The following GMEB1 variants were observed in gnomAD, a reference collection of about 807,000 sequenced individuals.
The protein encoded by GMEB1 is glucocorticoid modulatory element binding protein 1, also known as glucocorticoid modulatory element-binding protein 1.
A neutral mutation model predicts 52.4 loss-of-function variants in GMEB1; 6 were observed. That is an observed-to-expected ratio of 0.11 (90% CI 0.06 to 0.23). The LOEUF (loss-of-function observed/expected upper bound fraction) is 0.23, where lower values mean the gene tolerates loss of function less well. Ranked by LOEUF, GMEB1 falls within the 10% of genes least tolerant of loss-of-function variation. The probability of loss-of-function intolerance (pLI) is 1.00; values close to 1 mark genes in which losing one functional copy is unlikely to be tolerated. For synonymous variants in GMEB1, 255 were observed against 244.9 expected, an observed-to-expected ratio of 1.04 and a Z score of -0.38; for missense variants, 486 against 685.6, an observed-to-expected ratio of 0.71 and a Z score of 3.25.
chr1:28,682,743 T>C (rs1669450355), intron 1 of GMEB1, among the ~76,000 whole-genome samples: 4 of 151,798 alleles, frequency 2.6e-5, no homozygotes. Context: ...CCTCCACAGA[T>C]ACTGAGTATT....
chr1:28,699,434 C>T (rs868057267), intron 6 of GMEB1, among the ~76,000 whole-genome samples: 3 of 151,756 alleles, frequency 2.0e-5, no homozygotes, highest in Middle Eastern at 6.8e-3. Flanking sequence ...GTAAATTGAC[C>T]TCTTTTTTTT....
intron 1 of GMEB1, among the ~76,000 whole-genome samples, chr1:28,681,768 T>C (rs920044079): frequency 6.6e-6 from 1 of 151,674 alleles, no homozygotes; most frequent in Non-Finnish European, 1.5e-5. Context: ...AATGGCATGA[T>C]CTCGGCTCAC....
At chr1:28,692,396 G>A (rs1324317699) in intron 4 of GMEB1, among the ~76,000 whole-genome samples, 1 of 152,018 alleles carries the variant, frequency 6.6e-6, no homozygotes, top group Non-Finnish European at 1.5e-5. Flanking sequence ...GCTGGACGTG[G>A]TATTGGGCGC....
chr1:28,708,348 T>G (rs1670877777), intron 8 of GMEB1, among the ~76,000 whole-genome samples: 1 of 151,748 alleles, frequency 6.6e-6, no homozygotes, highest in South Asian at 2.1e-4. Flanking sequence ...ATATTTTTAG[T>G]AGAGGCGGGG....
Position 28,714,886 on chromosome 1 carries a change from A to C in GMEB1, c.*113A>C, listed in dbSNP as rs550286736. On this transcript the variant is annotated 3_prime_UTR_variant, in exon 10 of 10. Coordinates refer to ENST00000373816, the MANE Select transcript of GMEB1 (RefSeq NM_001319674.2). ...AGGACCCTTTTTTAAAAAAAAAAAA[A>C]CAAAATCTTATTGTTGTAACTGAAA... The C allele has an allele frequency of 2.0e-5, 15 of 763,256 alleles. No homozygotes were observed. Among genetic ancestry groups the C allele is most frequent in the Middle Eastern group, 3.8e-4 (1 of 2,616 alleles). 47.3% of individuals were successfully genotyped at this position (763,256 alleles called of 1,614,324 possible). A position where few individuals can be genotyped will look rare whatever the true frequency, so the allele number is the denominator to read the frequency against.
intron 6 of GMEB1, among the ~76,000 whole-genome samples, chr1:28,699,941 G>A (rs920577560): frequency 6.6e-6 from 1 of 151,216 alleles, no homozygotes; most frequent in Non-Finnish European, 1.5e-5. Flanking sequence ...TGAGCATGGC[G>A]GTGTGGGCCT....
At chr1:28,691,039 C>T (rs1431357976) in intron 3 of GMEB1, among the ~76,000 whole-genome samples, 1 of 151,722 alleles carries the variant, frequency 6.6e-6, no homozygotes, top group African/African-American at 2.4e-5. Context: ...GCCTGTAATC[C>T]CAGCACTTTG....
chr1:28,687,332 T>TCA (rs1491165519), intron 2 of GMEB1, among the ~76,000 whole-genome samples: 1 of 95,772 alleles, frequency 1.0e-5, no homozygotes, highest in Non-Finnish European at 1.9e-5. Flanking sequence ...TGAGACCCTA[T>TCA]CTCACACACA....
chr1:28,696,828 C>A, intron 5 of GMEB1, 99 bp from the exon 6 acceptor site: 1 of 895,548 alleles, frequency 1.1e-6, no homozygotes, highest in Non-Finnish European at 1.7e-6. Flanking sequence ...CTAATCTACA[C>A]AGTAGGCTCA....
rs1669496635 is a variant in GMEB1, at chr1:28,683,601, T to C, written c.-12T>C. 3.1e-6 allele frequency: 5 copies of C among 1,594,106 alleles called. No homozygotes were observed. The highest frequency in any genetic ancestry group is 1.1e-5 in the South Asian group (1 of 87,726). ...CCGACAGCAGTCCCAGCTATCTGAC[T>C]TCATGTGAAAGATGGCTAATGCAGA... is the stretch of plus-strand genomic sequence containing the variant. On this transcript the variant is annotated 5_prime_UTR_variant, in exon 2 of 10. Coordinates refer to ENST00000373816, the MANE Select transcript of GMEB1 (RefSeq NM_001319674.2).
Position 28,714,275 on chromosome 1 carries a change from C to T in GMEB1, c.1194C>T (p.Ile398=), listed in dbSNP as rs770147009. 4 of 1,614,216 alleles carry T rather than the reference C, an allele frequency of 2.5e-6. No homozygotes were observed. The South Asian group carries it at 3.3e-5, about 13-fold the overall frequency. ...QQPQFTVISP[I]TITPVGQSFS... is the part of the protein sequence containing the mutation. ...CTCAGTTCACAGTCATCTCACCCAT[C>T]ACCATCACCCCAGTGGGTCAGTCAT... The change falls in exon 10 of 10, where the codon ATC becomes ATT. Residue 398 remains isoleucine, a synonymous_variant. Coordinates refer to ENST00000373816, the MANE Select transcript of GMEB1 (RefSeq NM_001319674.2).
chr1:28,710,635 T>C lies in GMEB1; in HGVS notation c.984T>C (p.Thr328=). The change falls in exon 9 of 10, where the codon ACT becomes ACC. Residue 328 remains threonine, a synonymous_variant. Coordinates refer to ENST00000373816, the MANE Select transcript of GMEB1 (RefSeq NM_001319674.2). ...AGGGAGAAGAACAGTTTCTCTATAC[T>C]CTGACAGGTATGTATAAGTTATCGC... ...VEQGEEQFLY[T]LTDLERQLEE... is the part of the protein sequence containing the mutation. 1 of 1,591,670 alleles carries C rather than the reference T, an allele frequency of 6.3e-7. No homozygotes were observed. The highest frequency in any genetic ancestry group is 8.6e-7 in the Non-Finnish European group (1 of 1,169,220).
chr1:28,694,215 G>A (rs1247844097), intron 5 of GMEB1, among the ~76,000 whole-genome samples: 6 of 145,364 alleles, frequency 4.1e-5, no homozygotes, highest in African/African-American at 7.6e-5. Context: ...TTTTTGAGAC[G>A]GAGTCTTGCT....
At chr1:28,709,638 G>A (rs937861564) in intron 8 of GMEB1, among the ~76,000 whole-genome samples, 1 of 152,026 alleles carries the variant, frequency 6.6e-6, no homozygotes, top group South Asian at 2.1e-4. Context: ...GCAGTGGCAC[G>A]ATCTTGGTTC....
At chr1:28,694,165 G>A (rs898162829) in intron 5 of GMEB1, among the ~76,000 whole-genome samples, 19 of 150,692 alleles carry the variant, frequency 1.3e-4, no homozygotes, top group African/African-American at 4.1e-4. Context: ...ATGCTAAAAT[G>A]TTGACATGGT....
rs1671233383 is a variant in GMEB1 at position 28,715,154 on chromosome 1, A to T, written c.*381A>T. On this transcript the variant is annotated 3_prime_UTR_variant, in exon 10 of 10. Coordinates refer to ENST00000373816, the MANE Select transcript of GMEB1 (RefSeq NM_001319674.2). ...GACCAAACTCTGGAACACAGATCTG[A>T]CACTGGAAGGCAACCCACTCGCATG... 1 of 187,420 alleles carries T rather than the reference A, an allele frequency of 5.3e-6. No individual in the cohort carries two copies. The highest frequency in any genetic ancestry group is 1.1e-5 in the Non-Finnish European group (1 of 88,260). 11.6% of individuals were successfully genotyped at this position (187,420 alleles called of 1,614,324 possible).
chr1:28,671,130 C>T (rs144549783), intron 1 of GMEB1, among the ~76,000 whole-genome samples: 6 of 152,284 alleles, frequency 3.9e-5, no homozygotes, highest in African/African-American at 1.4e-4. Flanking sequence ...CATCTTGTAG[C>T]ACTATGGATC....
At chr1:28,704,602 A>C (rs952920009) in intron 8 of GMEB1, among the ~76,000 whole-genome samples, 1 of 152,090 alleles carries the variant, frequency 6.6e-6, no homozygotes, top group Non-Finnish European at 1.5e-5. Flanking sequence ...TGTCTCCACA[A>C]AAAAAATTTT....
chr1:28,699,240 C>T (rs1363812196), intron 6 of GMEB1, among the ~76,000 whole-genome samples: 1 of 152,056 alleles, frequency 6.6e-6, no homozygotes, highest in African/African-American at 2.4e-5. Context: ...TACTAGGGCT[C>T]CTTACCATCC....
Sources: allele counts gnomAD v4.1 joint callset (sites outside exome capture counted in the v4.1 genomes callset), GRCh38; gene constraint gnomAD v4.1.1; transcripts MANE v1.5; gene names NCBI Gene and HGNC (gene_info 2026-07-23, HGNC 2026-07-21).